ZBED3: variants seen among roughly 807,000 people sequenced by gnomAD.
ZBED3 encodes the protein zinc finger BED domain-containing protein 3.
For missense variants in ZBED3, 388 were observed against 362.9 expected, an observed-to-expected ratio of 1.07 and a Z score of -0.56; for synonymous variants, 175 against 180.0, an observed-to-expected ratio of 0.97 and a Z score of 0.22.
chr5:77,080,569 C>T (rs531202728), intron 1 of ZBED3: 6 of 519,238 alleles, frequency 1.2e-5, no homozygotes, highest in South Asian at 5.6e-5. Context: ...TCTCAGTCCT[C>T]CACATCATGC....
intron 1 of ZBED3, 186 bp from the exon 2 acceptor site, chr5:77,078,914 C>G (rs930624797): frequency 6.6e-6 from 1 of 152,154 alleles, no homozygotes; most frequent in African/African-American, 2.4e-5. Context: ...ACTAAAAGAT[C>G]CCCTCTACAT....
Position 77,077,437 on chromosome 5 carries a change from G to A in ZBED3, c.442C>T (p.Arg148Trp), listed in dbSNP as rs1217098356. Reference protein sequence around the residue: ...ALAVRGSRRERELERRELAVE... With the variant: ...ALAVRGSRREWELERRELAVE... ...GCCAGCTCGCGCCGCTCCAGCTCCC[G>A]CTCCCGCCGGCTGCCGCGCACGGCC... is the stretch of plus-strand genomic sequence containing the variant. Residue 148 changes from arginine to tryptophan, a missense_variant, in exon 3 of 3, where the codon CGG becomes TGG. Arg to Trp is a moderately radical substitution (Grantham distance 101). Transcript: ENST00000255198. The A allele has an allele frequency of 2.5e-6, 3 of 1,215,660 alleles. No individual in the cohort carries two copies. Among genetic ancestry groups the A allele is most frequent in the Admixed American group, 4.0e-5 (1 of 24,916 alleles). 75.3% of individuals were successfully genotyped at this position (1,215,660 alleles called of 1,614,324 possible).
In ZBED3 at chr5:77,072,173, TATA is replaced by T. The variant is rs1742899990; in HGVS notation, c.*4998_*5000del. ...AGAAACCTTTAATACTATTTAAACA[TATA>T]ATGACTCCCAGTGCTACCTGAATTC... On this transcript the variant is annotated 3_prime_UTR_variant, in exon 3 of 3. Coordinates refer to ENST00000255198, the MANE Select transcript of ZBED3 (RefSeq NM_032367.4). 3.9e-5 allele frequency: 6 copies of T among 152,344 alleles called. No individual in the cohort carries two copies. The highest frequency in any genetic ancestry group is 1.4e-4 in the African/African-American group (6 of 41,584). The allele number at this position is 152,344 out of a possible 1,614,324, so 9.4% of individuals were successfully genotyped here.
In ZBED3 at chr5:77,077,909, G is replaced by T; in HGVS notation, c.-17-14C>A. The T allele has an allele frequency of 2.4e-6, 3 of 1,247,570 alleles. No homozygotes were observed. The highest frequency in any genetic ancestry group is 3.0e-6 in the Non-Finnish European group (3 of 996,762). The allele number at this position is 1,247,570 out of a possible 1,614,324, so 77.3% of individuals were successfully genotyped here. A position where few individuals can be genotyped will look rare whatever the true frequency, so the allele number is the denominator to read the frequency against. On this transcript the variant is annotated splice_polypyrimidine_tract_variant and intron_variant, in intron 2 of 2. Coordinates refer to ENST00000255198, the MANE Select transcript of ZBED3 (RefSeq NM_032367.4). ...GGCGCCCGCACGCTGGGGAGCAGGG[G>T]AAGAATAATAATGAGTGTTAGGATC... is the stretch of plus-strand genomic sequence containing the variant.
chr5:77,076,175 T>A lies in ZBED3; in HGVS notation c.*999A>T, dbSNP rs1259551450. 1.3e-5 allele frequency: 2 copies of A among 150,252 alleles called. No individual in the cohort carries two copies. Among genetic ancestry groups the A allele is most frequent in the East Asian group, 3.9e-4 (2 of 5,126 alleles). 9.3% of individuals were successfully genotyped at this position (150,252 alleles called of 1,614,324 possible). ...GCCCTTCTGGGTTAAGTCTTTCTTT[T>A]CAGTAAGAAAGGGAGACTGCACATT... On this transcript the variant is annotated 3_prime_UTR_variant, in exon 3 of 3. Transcript: ENST00000255198.
intron 1 of ZBED3, chr5:77,079,466 A>G (rs1743087553): frequency 6.6e-6 from 1 of 152,250 alleles, no homozygotes; most frequent in Non-Finnish European, 1.5e-5. Flanking sequence ...AGTTGCTAAT[A>G]GTCTTGTTGC....
rs1742976975 is a variant in ZBED3, at chr5:77,075,968, T to TAC, written c.*1205_*1206insGT. The TAC allele has an allele frequency of 5.1e-5, 1 of 19,432 alleles. No homozygotes were observed. Among genetic ancestry groups the TAC allele is most frequent in the Non-Finnish European group, 9.8e-5 (1 of 10,218 alleles). The allele number at this position is 19,432 out of a possible 1,614,324, so 1.2% of individuals were successfully genotyped here. On this transcript the variant is annotated 3_prime_UTR_variant, in exon 3 of 3. Coordinates refer to ENST00000255198, the MANE Select transcript of ZBED3 (RefSeq NM_032367.4). Reference sequence around the variant, plus strand: ...ACATATATATATATATATATATATGTATATGTATATATGTATATATATATG... The same window carrying TAC: ...ACATATATATATATATATATATATGTACATATGTATATATGTATATATATATG...
At chr5:77,079,428 A>T (rs1323343433) in intron 1 of ZBED3, 2 of 152,260 alleles carry the variant, frequency 1.3e-5, no homozygotes, top group African/African-American at 4.8e-5. Context: ...CTATAGTTAC[A>T]GTAGCATTTA....
At chr5:77,082,359 G>A (rs1743145289) in intron 1 of ZBED3, among the ~76,000 whole-genome samples, 1 of 151,930 alleles carries the variant, frequency 6.6e-6, no homozygotes, top group South Asian at 2.1e-4. Flanking sequence ...CTTGTATCAG[G>A]ATGTTCACGT....
rs1742958426 is a variant in ZBED3 at position 77,075,541 on chromosome 5, G to A, written c.*1633C>T. The A allele has an allele frequency of 6.6e-6, 1 of 152,000 alleles. No individual in the cohort carries two copies. The allele number at this position is 152,000 out of a possible 1,614,324, so 9.4% of individuals were successfully genotyped here. ...GGAAATCTATGTGGTAATACTCAGG[G>A]GTCGAAATGTCATTCTATGTACACA... On this transcript the variant is annotated 3_prime_UTR_variant, in exon 3 of 3. Coordinates refer to ENST00000255198, the MANE Select transcript of ZBED3 (RefSeq NM_032367.4).
chr5:77,081,780 A>T (rs1175389129), intron 1 of ZBED3, among the ~76,000 whole-genome samples: 3 of 152,154 alleles, frequency 2.0e-5, no homozygotes, highest in Non-Finnish European at 4.4e-5. Flanking sequence ...GCTTACATCC[A>T]TCCACTCCAT....
At position 77,076,909 on chromosome 5, in the gene ZBED3, C is replaced by T. The variant is rs972421653; in HGVS notation, c.*265G>A. On this transcript the variant is annotated 3_prime_UTR_variant, in exon 3 of 3. Transcript: ENST00000255198. ...GAGCTCTCGGGTGTCCCGTGTGCCA[C>T]CCCAATTCCTTGCGTGCATGCCCAC... 11 of 301,048 alleles carry T rather than the reference C, an allele frequency of 3.7e-5. No homozygotes were observed. The highest frequency in any genetic ancestry group is 6.1e-5 in the Non-Finnish European group (10 of 164,506). The allele number at this position is 301,048 out of a possible 1,614,324, so 18.6% of individuals were successfully genotyped here. A position where few individuals can be genotyped will look rare whatever the true frequency, so the allele number is the denominator to read the frequency against.
chr5:77,081,811 C>T (rs1743134745), intron 1 of ZBED3, among the ~76,000 whole-genome samples: 2 of 152,178 alleles, frequency 1.3e-5, no homozygotes, highest in Admixed American at 1.3e-4. Flanking sequence ...TTCAAATGCT[C>T]ATTGTGCACC....
In ZBED3 at chr5:77,077,268, C is replaced by A; in HGVS notation, c.611G>T (p.Gly204Val). Reference sequence around the variant, plus strand: ...CGCAGCGGGGGCCCAGCCCAGGGCGCCCTCACGGCGGCTCACATCCCGCAG... The same window carrying A: ...CGCAGCGGGGGCCCAGCCCAGGGCGACCTCACGGCGGCTCACATCCCGCAG... ...ARLRDVSRRE[G>V]ALGWAPAAPP... The change falls in exon 3 of 3, where the codon GGC (glycine) becomes GTC (valine). Residue 204 changes from glycine (G) to valine (V), a missense_variant. Transcript: ENST00000255198. The A allele has an allele frequency of 1.4e-6, 2 of 1,432,250 alleles. No individual in the cohort carries two copies. Among genetic ancestry groups the A allele is most frequent in the Admixed American group, 2.7e-5 (1 of 36,972 alleles). 88.7% of individuals were successfully genotyped at this position (1,432,250 alleles called of 1,614,324 possible).
Position 77,075,149 on chromosome 5 carries a change from G to T in ZBED3, c.*2025C>A, listed in dbSNP as rs1286050823. The T allele has an allele frequency of 6.6e-6, 1 of 152,236 alleles. No homozygotes were observed. Among genetic ancestry groups the T allele is most frequent in the Non-Finnish European group, 1.5e-5 (1 of 68,080 alleles). The allele number at this position is 152,236 out of a possible 1,614,324, so 9.4% of individuals were successfully genotyped here. ...GAGATATTCAGGAGTCCCTGGCCCA[G>T]AGGAGATTACAACTCTGCAGGGATA... On this transcript the variant is annotated 3_prime_UTR_variant, in exon 3 of 3. Coordinates refer to ENST00000255198, the MANE Select transcript of ZBED3 (RefSeq NM_032367.4).
At position 77,077,485 on chromosome 5, in the gene ZBED3, G is replaced by A. The variant is rs1743043124; in HGVS notation, c.394C>T (p.Leu132=). ...GCCAGCGCGCCCATCTGTTCCAGCAGGCGCGCCCAGTCGCCCTCGGGGGCC... is the reference window on the plus strand; with the variant it reads ...GCCAGCGCGCCCATCTGTTCCAGCAAGCGCGCCCAGTCGCCCTCGGGGGCC... The part of the protein sequence containing the change: ...AAAPEGDWAR[L]LEQMGALAVR... The change falls in exon 3 of 3, where the codon CTG becomes TTG. Residue 132 remains leucine, a synonymous_variant. Coordinates refer to ENST00000255198, the MANE Select transcript of ZBED3 (RefSeq NM_032367.4). 8.4e-7 allele frequency: 1 copy of A among 1,188,174 alleles called. No individual in the cohort carries two copies. Among genetic ancestry groups the A allele is most frequent in the East Asian group, 3.8e-5 (1 of 26,306 alleles). 73.6% of individuals were successfully genotyped at this position (1,188,174 alleles called of 1,614,324 possible).
Position 77,077,648 on chromosome 5 carries a change from G to A in ZBED3, c.231C>T (p.Gly77=). The A allele has an allele frequency of 2.1e-6, 3 of 1,411,842 alleles. No individual in the cohort carries two copies. Among genetic ancestry groups the A allele is most frequent in the Non-Finnish European group, 1.8e-6 (2 of 1,083,362 alleles). 87.5% of individuals were successfully genotyped at this position (1,411,842 alleles called of 1,614,324 possible). ...ATCRLCGEQV[G]RGPGFHAGTS... ...TCCCCGCGTGGAAGCCCGGGCCGCGGCCCACCTGCTCCCCGCACAGACGGC... is the reference window on the plus strand; with the variant it reads ...TCCCCGCGTGGAAGCCCGGGCCGCGACCCACCTGCTCCCCGCACAGACGGC... The change falls in exon 3 of 3, where the codon GGC becomes GGT. Residue 77 remains glycine, a synonymous_variant. Transcript: ENST00000255198.
At chr5:77,084,413 G>A (rs375123728) in intron 1 of ZBED3, among the ~76,000 whole-genome samples, 2 of 152,102 alleles carry the variant, frequency 1.3e-5, no homozygotes, top group Non-Finnish European at 2.9e-5. Flanking sequence ...AGCCCTTTTC[G>A]CTTGACCCTC....
intron 1 of ZBED3, among the ~76,000 whole-genome samples, chr5:77,083,265 C>T (rs1037031374): frequency 2.6e-5 from 4 of 152,214 alleles, no homozygotes; most frequent in Non-Finnish European, 1.5e-5. Flanking sequence ...AAGCCCACTG[C>T]TGCGCCGCTT....
Sources: gnomAD v4.1 joint callset for allele counts (sites outside exome capture counted in the v4.1 genomes callset) on GRCh38, gnomAD v4.1.1 for gene constraint, MANE v1.5 for transcripts, NCBI Gene and HGNC (gene_info 2026-07-23, HGNC 2026-07-21) for gene names.